Variants in TPTE2 observed in about 807,000 individuals in gnomAD.
TPTE2 encodes phosphatidylinositol 3,4,5-trisphosphate 3-phosphatase TPTE2.
Under a neutral mutation model 78.6 loss-of-function variants are expected in TPTE2, and 53 were observed. That is an observed-to-expected ratio of 0.67 (90% confidence interval 0.54 to 0.85). The LOEUF (loss-of-function observed/expected upper bound fraction) is 0.85, where lower values mean the gene tolerates loss of function less well. TPTE2 is among the 40% of genes least tolerant of loss of function. The pLI is 0.00. For missense variants in TPTE2, 461 were observed against 623.0 expected (o/e 0.74, Z 2.77); for synonymous variants, 175 against 206.2 (o/e 0.85, Z 1.30).
chr13:19,523,368 A>G (rs1425382834), intron 1 of TPTE2, among the ~76,000 whole-genome samples: 2 of 144,768 alleles, frequency 1.4e-5, no homozygotes, highest in African/African-American at 2.8e-5. Context: ...CAGAGATCTG[A>G]AAAGTTGCTT....
At chr13:19,454,220 C>T (rs2492395) in intron 10 of TPTE2, among the ~76,000 whole-genome samples, 148,768 of 152,286 alleles carry the variant, frequency 0.98, 72,762 homozygotes, top group East Asian at 1. Context: ...CTGCTTTGCT[C>T]ATTCGCTGTT....
intron 14 of TPTE2, among the ~76,000 whole-genome samples, chr13:19,436,833 A>G (rs567440361): frequency 6.6e-6 from 1 of 152,158 alleles, no homozygotes; most frequent in Admixed American, 6.6e-5. Flanking sequence ...ATCTGGTCCA[A>G]CCCTTCTTTC....
intron 16 of TPTE2, among the ~76,000 whole-genome samples, chr13:19,431,913 C>G (rs1876653684): frequency 9.3e-6 from 1 of 107,632 alleles, no homozygotes; most frequent in Admixed American, 9.0e-5. Flanking sequence ...GGTGAGGCCC[C>G]ATTCCTTCCA....
the TPTE2 span, chr13:19,560,946 T>C: frequency 2.5e-6 from 4 of 1,597,942 alleles, no homozygotes; most frequent in East Asian, 9.0e-5. Context: ...TGGATGGTCC[T>C]CTTGAAGAAG....
At chr13:19,463,426 C>T (rs1668826405) in intron 10 of TPTE2, among the ~76,000 whole-genome samples, 3 of 152,196 alleles carry the variant, frequency 2.0e-5, no homozygotes, top group Non-Finnish European at 4.4e-5. Context: ...TCTGTATTCT[C>T]TGTATCTCAT....
chr13:19,503,736 T>A (rs1031927482), upstream of TPTE2, among the ~76,000 whole-genome samples: 1 of 152,164 alleles, frequency 6.6e-6, no homozygotes, highest in Admixed American at 6.5e-5. Context: ...TATTTGGGGT[T>A]TGGAGTACCA....
upstream of TPTE2, among the ~76,000 whole-genome samples, chr13:19,539,439 C>T (rs1871376355): frequency 2.6e-5 from 4 of 152,318 alleles, no homozygotes; most frequent in Middle Eastern, 3.4e-3. Context: ...TTGCCTGCCA[C>T]TGTGTAAGAT....
intron 10 of TPTE2, among the ~76,000 whole-genome samples, chr13:19,454,398 A>G (rs1878404270): frequency 6.6e-6 from 1 of 152,044 alleles, no homozygotes. Flanking sequence ...TGACAGAGAC[A>G]CTCCCAGTGC....
upstream of TPTE2, among the ~76,000 whole-genome samples, chr13:19,540,102 C>T (rs1469938678): frequency 6.6e-6 from 1 of 152,006 alleles, no homozygotes; most frequent in Non-Finnish European, 1.5e-5. Flanking sequence ...TGAGCTTGTG[C>T]CATTGCACTA....
At chr13:19,524,239 G>T (rs1008752030) in intron 1 of TPTE2, among the ~76,000 whole-genome samples, 2 of 152,158 alleles carry the variant, frequency 1.3e-5, no homozygotes, top group Non-Finnish European at 2.9e-5. Flanking sequence ...TATGACAAGT[G>T]AACCAATAAG....
chr13:19,457,330 T>C (rs1878598810), intron 10 of TPTE2, among the ~76,000 whole-genome samples: 2 of 152,224 alleles, frequency 1.3e-5, no homozygotes, highest in African/African-American at 2.4e-5. Flanking sequence ...TGTATACGTA[T>C]GTACATCAGG....
chr13:19,444,915 T>C (rs1877730993), intron 13 of TPTE2, among the ~76,000 whole-genome samples: 1 of 152,210 alleles, frequency 6.6e-6, no homozygotes, highest in African/African-American at 2.4e-5. Context: ...CTGGAATAAC[T>C]GGATAGCCAT....
chr13:19,518,486 C>A (rs185277279), intron 1 of TPTE2, among the ~76,000 whole-genome samples: 6 of 152,100 alleles, frequency 3.9e-5, no homozygotes, highest in African/African-American at 1.4e-4. Flanking sequence ...TTGCAACTGG[C>A]AAATAAGCAA....
chr13:19,543,159 G>A, the TPTE2 span, among the ~76,000 whole-genome samples: 1 of 151,728 alleles, frequency 6.6e-6, no homozygotes, highest in Non-Finnish European at 1.5e-5. Flanking sequence ...CTGGGCTCCA[G>A]CGATCGTCCC....
intron 1 of TPTE2, among the ~76,000 whole-genome samples, chr13:19,497,114 C>T (rs548567200): frequency 1.3e-5 from 2 of 151,846 alleles, no homozygotes; most frequent in Non-Finnish European, 2.9e-5. Flanking sequence ...CGGTGCACCG[C>T]GAGATTATAT....
At chr13:19,425,878 T>C (rs775138901) in intron 18 of TPTE2, 3 of 516,938 alleles carry the variant, frequency 5.8e-6, no homozygotes, top group South Asian at 4.2e-5. Flanking sequence ...TGTGTTGTAT[T>C]GTGCTGCCTT....
At chr13:19,552,031 C>T in the TPTE2 span, among the ~76,000 whole-genome samples, 3 of 152,146 alleles carry the variant, frequency 2.0e-5, no homozygotes, top group African/African-American at 7.2e-5. Flanking sequence ...AAAAACTACC[C>T]AGTGAAGTAG....
chr13:19,510,916 A>G (rs1225179398), intron 1 of TPTE2, among the ~76,000 whole-genome samples: 1 of 152,198 alleles, frequency 6.6e-6, no homozygotes, highest in Non-Finnish European at 1.5e-5. Flanking sequence ...ACATAATGCA[A>G]TATGTTACCA....
rs999816012 is a variant in TPTE2, at chr13:19,434,419, G to T, written c.1116+1807C>A. On this transcript the variant is annotated intron_variant, in intron 15 of 19. Coordinates refer to ENST00000400230, the Ensembl canonical transcript of TPTE2. Reference sequence around the variant, plus strand: ...GTGCATGCACATAGTGGAAGAGAAGGTTGGAAAAGTCAAAGTGTGGCTCTT... The same window carrying T: ...GTGCATGCACATAGTGGAAGAGAAGTTTGGAAAAGTCAAAGTGTGGCTCTT... Among the ~76,000 whole-genome samples, 7 of 152,318 alleles carry T rather than the reference G, an allele frequency of 4.6e-5. No homozygotes were observed. In the South Asian group the frequency reaches 6.2e-4, roughly 14 times the overall value.
Sources: allele counts gnomAD v4.1 joint callset (sites outside exome capture counted in the v4.1 genomes callset), GRCh38; gene constraint gnomAD v4.1.1; transcripts MANE v1.5; gene names NCBI Gene and HGNC (gene_info 2026-07-23, HGNC 2026-07-21).